Variants in LIMK1 observed in about 807,000 individuals in gnomAD.
LIMK1 encodes the protein LIM domain kinase 1, also known as LIM motif-containing protein kinase.
A neutral mutation model predicts 77.6 loss-of-function variants in LIMK1; 21 were observed. The ratio of observed to expected loss-of-function variants is 0.27; its 90% CI spans 0.19 to 0.39. The LOEUF (loss-of-function observed/expected upper bound fraction) is 0.39. LIMK1 is among the 10% of genes least tolerant of loss of function. The pLI is 1.00. For missense variants in LIMK1, 696 were observed against 901.6 expected (o/e 0.77, Z 2.92); for synonymous variants, 358 against 370.0 (o/e 0.97, Z 0.37).
At chr7:74,091,373 CAG>C (rs1357155142) in intron 2 of LIMK1, among the ~76,000 whole-genome samples, 12 of 152,044 alleles carry the variant, frequency 7.9e-5, no homozygotes, top group Non-Finnish European at 1.6e-4. Flanking sequence ...AAAAATTAGC[CAG>C]GCGTGGTGGT....
At chr7:74,098,969 A>C in intron 4 of LIMK1, 63 bp from the exon 5 acceptor site, 14 of 1,334,356 alleles carry the variant, frequency 1.0e-5, no homozygotes, top group Non-Finnish European at 1.5e-5. Flanking sequence ...TGGGGGCTGC[A>C]GAGATGCTGA....
intron 5 of LIMK1, among the ~76,000 whole-genome samples, chr7:74,104,112 CAT>C (rs1189610485): frequency 6.6e-6 from 1 of 151,652 alleles, no homozygotes; most frequent in Non-Finnish European, 1.5e-5. Context: ...TAAAAAATGT[CAT>C]AGAGATGGGG....
At chr7:74,095,049 C>A (rs1246872300) in intron 2 of LIMK1, among the ~76,000 whole-genome samples, 1 of 152,206 alleles carries the variant, frequency 6.6e-6, no homozygotes, top group African/African-American at 2.4e-5. Context: ...GCTGAACTCC[C>A]CTCCTCAACC....
At chr7:74,101,502 A>G (rs1204330398) in intron 5 of LIMK1, among the ~76,000 whole-genome samples, 1 of 152,138 alleles carries the variant, frequency 6.6e-6, no homozygotes, top group Non-Finnish European at 1.5e-5. Flanking sequence ...GCGAGACCCT[A>G]TCTCTAAAAT....
In LIMK1 at chr7:74,103,737, T is replaced by A. The variant is rs1275441760; in HGVS notation, c.609-2138T>A. 3.3e-5 allele frequency among the ~76,000 whole-genome samples: 5 copies of A among 152,310 alleles called. No homozygotes were observed. The East Asian group carries it at 9.6e-4, about 29-fold the overall frequency. On this transcript the variant is annotated intron_variant, in intron 5 of 15. Coordinates refer to ENST00000336180, the MANE Select transcript of LIMK1 (RefSeq NM_002314.4). ...GCTGAATTTCTAACTCTGTTCTTCC[T>A]TCTGCATTTGTTACTGTAAGGAAGA...
At chr7:74,093,196 T>C (rs1799271591) in intron 2 of LIMK1, 7 of 1,531,674 alleles carry the variant, frequency 4.6e-6, no homozygotes, top group African/African-American at 1.4e-5. Context: ...GCAGCTGGTC[T>C]GGCCACCCCT....
chr7:74,122,491 C>G lies in LIMK1; in HGVS notation c.*1190C>G, dbSNP rs371266501. The G allele has an allele frequency of 6.6e-6, 1 of 152,464 alleles. No homozygotes were observed. The highest frequency in any genetic ancestry group is 2.4e-5 in the African/African-American group (1 of 41,414). The allele number at this position is 152,464 out of a possible 1,614,324, so 9.4% of individuals were successfully genotyped here. A position where few individuals can be genotyped will look rare whatever the true frequency, so the allele number is the denominator to read the frequency against. ...ACGTCCAAGGAACCAAACCCAGACG[C>G]AGAACAATAAAATAAATTCCGTACT... On this transcript the variant is annotated 3_prime_UTR_variant, in exon 16 of 16. Transcript: ENST00000336180.
In LIMK1 at chr7:74,084,098, G is replaced by C. The variant is rs1167139071; in HGVS notation, c.55+53G>C. 7.3e-6 allele frequency: 8 copies of C among 1,095,564 alleles called. No individual in the cohort carries two copies. In the African/African-American group the frequency reaches 8.2e-5, roughly 11 times the overall value. The allele number at this position is 1,095,564 out of a possible 1,614,324, so 67.9% of individuals were successfully genotyped here. A position where few individuals can be genotyped will look rare whatever the true frequency, so the allele number is the denominator to read the frequency against. On this transcript the variant is annotated intron_variant, in intron 1 of 15. Coordinates refer to ENST00000336180, the MANE Select transcript of LIMK1 (RefSeq NM_002314.4). ...GGGCCTGGAGGGGGTGCCCGGGGCAGCGTGGGGCACGGGAGGGGGCCGGGT... is the reference window on the plus strand; with the variant it reads ...GGGCCTGGAGGGGGTGCCCGGGGCACCGTGGGGCACGGGAGGGGGCCGGGT...
Position 74,099,088 on chromosome 7 carries a change from A to G in LIMK1, c.458A>G (p.Asp153Gly). ...CCCGTCATCGAGCAGATCCTGCCTG[A>G]CTCCCCTGGCTCCCACCTGCCCCAC... Reference protein sequence around the residue: ...VTPVIEQILPDSPGSHLPHTV... With the variant: ...VTPVIEQILPGSPGSHLPHTV... The change falls in exon 5 of 16, where the codon GAC (aspartate) becomes GGC (glycine). Residue 153 changes from aspartate (D) to glycine (G), a missense_variant. Physicochemically the swap from Asp to Gly is moderately conservative, Grantham distance 94. Coordinates refer to ENST00000336180, the MANE Select transcript of LIMK1 (RefSeq NM_002314.4). The G allele has an allele frequency of 6.2e-7, 1 of 1,612,690 alleles. No individual in the cohort carries two copies. Among genetic ancestry groups the G allele is most frequent in the South Asian group, 1.1e-5 (1 of 91,026 alleles).
At position 74,121,302 on chromosome 7, in the gene LIMK1, G is replaced by A. The variant is rs144018159; in HGVS notation, c.*1G>A. 4,437 of 1,588,190 alleles carry A rather than the reference G, an allele frequency of 2.8e-3. 6 individuals are homozygous for A. Among genetic ancestry groups the A allele is most frequent in the Non-Finnish European group, 3.2e-3 (3,738 of 1,170,088 alleles). On this transcript the variant is annotated 3_prime_UTR_variant, in exon 16 of 16. Transcript: ENST00000336180. ...TGCCCACCCTGAGGTCCCCGACTGA[G>A]CCAGGGCCACTCAGCTGCCCCTGTC...
chr7:74,113,791 C>G (rs1440660801), intron 12 of LIMK1, among the ~76,000 whole-genome samples: 2 of 152,118 alleles, frequency 1.3e-5, no homozygotes, highest in Non-Finnish European at 2.9e-5. Flanking sequence ...GGCCCTGCCT[C>G]TTAATACCGT....
At chr7:74,106,470 C>A (rs782183849) in intron 7 of LIMK1, among the ~76,000 whole-genome samples, 1 of 152,104 alleles carries the variant, frequency 6.6e-6, no homozygotes, top group South Asian at 2.1e-4. Context: ...TTTAAAAAGC[C>A]GGGGACGGGG....
intron 4 of LIMK1, among the ~76,000 whole-genome samples, 158 bp downstream of exon 4, chr7:74,097,347 A>G (rs1374884774): frequency 1.3e-5 from 2 of 152,328 alleles, no homozygotes; most frequent in East Asian, 1.9e-4. Context: ...CGGCATGGAA[A>G]CAAGTGAGAA....
chr7:74,108,212 C>T (rs782032835), intron 9 of LIMK1, among the ~76,000 whole-genome samples: 4 of 151,984 alleles, frequency 2.6e-5, no homozygotes, highest in Admixed American at 1.3e-4. Flanking sequence ...GCAATGTGCA[C>T]CTGTCATCCC....
Position 74,121,352 on chromosome 7 carries a change from A to G in LIMK1, c.*51A>G, listed in dbSNP as rs1401174678. ...CCCCACCTCTGGAGAATCCACCCCC[A>G]CCAGATTCCTCCGCGGGAGGTGGCC... On this transcript the variant is annotated 3_prime_UTR_variant, in exon 16 of 16. Transcript: ENST00000336180. The G allele has an allele frequency of 4.1e-6, 6 of 1,462,494 alleles. No individual in the cohort carries two copies. The highest frequency in any genetic ancestry group is 1.9e-4 in the Middle Eastern group (1 of 5,226). 90.6% of individuals were successfully genotyped at this position (1,462,494 alleles called of 1,614,324 possible). A position where few individuals can be genotyped will look rare whatever the true frequency, so the allele number is the denominator to read the frequency against.
rs1343751115 is a variant in LIMK1 at position 74,091,555 on chromosome 7, T to A, written c.153-5067T>A. 2.0e-5 allele frequency among the ~76,000 whole-genome samples: 3 copies of A among 151,982 alleles called. No homozygotes were observed. In the East Asian group the frequency reaches 5.8e-4, roughly 29 times the overall value. On this transcript the variant is annotated intron_variant, in intron 2 of 15. Coordinates refer to ENST00000336180, the MANE Select transcript of LIMK1 (RefSeq NM_002314.4). The stretch of plus-strand genomic sequence containing the variant: ...GCGATTTTACAAATGAGGTGCAGAG[T>A]TCAGTCACTTGCCAAAAGTCTCACA...
chr7:74,113,902 G>T (rs1799753489), intron 12 of LIMK1, among the ~76,000 whole-genome samples: 1 of 152,054 alleles, frequency 6.6e-6, no homozygotes, highest in South Asian at 2.1e-4. Context: ...GTTACAGTGA[G>T]CTCTGATTGT....
At chr7:74,111,607 C>CCCCCACCGG (rs1563922162) in intron 10 of LIMK1, 41 bp from the exon 11 acceptor site, 1 of 1,574,620 alleles carries the variant, frequency 6.4e-7, no homozygotes, top group East Asian at 2.3e-5. Flanking sequence ...GCCATCGGGG[C>CCCCCACCGG]CCCCACCGGC....
intron 5 of LIMK1, among the ~76,000 whole-genome samples, chr7:74,099,688 A>T (rs782011312): frequency 7.2e-5 from 11 of 152,056 alleles, no homozygotes; most frequent in Admixed American, 5.9e-4. Context: ...CCCGACTGCC[A>T]TTGCACTCCA....
Sources: allele counts gnomAD v4.1 joint callset (sites outside exome capture counted in the v4.1 genomes callset), GRCh38; gene constraint gnomAD v4.1.1; transcripts MANE v1.5; gene names NCBI Gene and HGNC (gene_info 2026-07-23, HGNC 2026-07-21).